BCAR3: variants seen among roughly 807,000 people sequenced by gnomAD.
The protein encoded by BCAR3 is breast cancer anti-estrogen resistance protein 3.
A neutral mutation model predicts 80.1 loss-of-function variants in BCAR3; 37 were observed. The observed-to-expected ratio is 0.46, with a 90% CI of 0.36 to 0.61. BCAR3 has a LOEUF of 0.61. Among genes scored for constraint, BCAR3 ranks in the 20% least tolerant of loss-of-function variants. The pLI is 0.00. For synonymous variants in BCAR3, 389 were observed against 418.9 expected (o/e 0.93, Z 0.87); for missense variants, 978 against 1,068.2 (o/e 0.92, Z 1.18).
chr1:93,768,136 C>T (rs1652219268), intron 2 of BCAR3, among the ~76,000 whole-genome samples: 1 of 152,094 alleles, frequency 6.6e-6, no homozygotes, highest in Non-Finnish European at 1.5e-5. Context: ...GCAGGGCTGT[C>T]GGATTAGAGT....
At chr1:93,706,510 T>C (rs180774988) in intron 2 of BCAR3, among the ~76,000 whole-genome samples, 1 of 152,240 alleles carries the variant, frequency 6.6e-6, no homozygotes, top group African/African-American at 2.4e-5. Flanking sequence ...CAGAGGACTG[T>C]GATTACAGCA....
chr1:93,756,103 A>G (rs1651740335), intron 2 of BCAR3, among the ~76,000 whole-genome samples: 1 of 152,240 alleles, frequency 6.6e-6, no homozygotes, highest in Non-Finnish European at 1.5e-5. Context: ...CCAATAGCAC[A>G]GACAAAATGC....
At chr1:93,641,290 G>A (rs1476553181) in intron 3 of BCAR3, among the ~76,000 whole-genome samples, 1 of 152,216 alleles carries the variant, frequency 6.6e-6, no homozygotes, top group Non-Finnish European at 1.5e-5. Context: ...GGAAATGGCA[G>A]AACTCTGGGG....
chr1:93,804,771 C>T (rs1005646396), intron 2 of BCAR3, among the ~76,000 whole-genome samples: 10 of 152,336 alleles, frequency 6.6e-5, no homozygotes, highest in African/African-American at 2.4e-4. Flanking sequence ...GGAGGAACCA[C>T]TGTGTAACAA....
intron 2 of BCAR3, chr1:93,845,502 A>ATATATATCTATATTGTCAAG: frequency 8.8e-6 from 1 of 113,822 alleles, no homozygotes; most frequent in Admixed American, 9.5e-5. Flanking sequence ...ATATATATAT[A>ATATATATCTATATTGTCAAG]AAACTTTGTT....
chr1:93,827,621 T>A (rs532517683), intron 2 of BCAR3, among the ~76,000 whole-genome samples: 2 of 152,056 alleles, frequency 1.3e-5, no homozygotes, highest in Non-Finnish European at 2.9e-5. Flanking sequence ...TTACCCTAAG[T>A]TAAGGATAAG....
chr1:93,585,124 C>T (rs1235041445), intron 5 of BCAR3: 9 of 983,726 alleles, frequency 9.1e-6, no homozygotes, highest in Admixed American at 6.2e-5. Context: ...GTGACCACTG[C>T]GGCTGGACTC....
At chr1:93,623,115 G>A (rs1675362448) in intron 3 of BCAR3, among the ~76,000 whole-genome samples, 1 of 152,160 alleles carries the variant, frequency 6.6e-6, no homozygotes, top group Non-Finnish European at 1.5e-5. Context: ...CAAACTTGGA[G>A]GCAATGGGTA....
At chr1:93,842,937 T>C (rs1034511852) in intron 2 of BCAR3, among the ~76,000 whole-genome samples, 7 of 152,228 alleles carry the variant, frequency 4.6e-5, no homozygotes, top group Non-Finnish European at 1.0e-4. Flanking sequence ...GGCTCAGTAA[T>C]CACACTCAGC....
chr1:93,701,397 A>G (rs1010867347), intron 3 of BCAR3, among the ~76,000 whole-genome samples: 2 of 152,218 alleles, frequency 1.3e-5, no homozygotes, highest in African/African-American at 4.8e-5. Context: ...AATGGAAGTC[A>G]GGGTTCACCA....
intron 2 of BCAR3, among the ~76,000 whole-genome samples, chr1:93,756,903 G>A (rs1042900833): frequency 6.6e-6 from 1 of 152,214 alleles, no homozygotes; most frequent in East Asian, 1.9e-4. Flanking sequence ...CCCAAATGTG[G>A]GGGTGCCTGG....
intron 5 of BCAR3, chr1:93,584,986 A>C (rs1673884027): frequency 1.0e-6 from 1 of 985,042 alleles, no homozygotes; most frequent in African/African-American, 1.7e-5. Flanking sequence ...ACAAGCACCA[A>C]AGAAAAAACA....
chr1:93,638,619 G>A (rs1675875109), intron 3 of BCAR3, among the ~76,000 whole-genome samples: 1 of 152,112 alleles, frequency 6.6e-6, no homozygotes, highest in South Asian at 2.1e-4. Context: ...AGGTATGCTA[G>A]GTACGCAGAG....
At chr1:93,811,819 T>TGGC (rs1033362407) in intron 2 of BCAR3, among the ~76,000 whole-genome samples, 4 of 152,250 alleles carry the variant, frequency 2.6e-5, no homozygotes, top group Admixed American at 1.3e-4. Context: ...CAGCTTGTAC[T>TGGC]GGCTCCCAAG....
chr1:93,676,687 G>A (rs944147856), intron 1 of BCAR3, among the ~76,000 whole-genome samples: 2 of 152,138 alleles, frequency 1.3e-5, no homozygotes, highest in Admixed American at 6.5e-5. Flanking sequence ...CACAAGTGAC[G>A]TAAACCGACT....
intron 9 of BCAR3, among the ~76,000 whole-genome samples, chr1:93,569,691 T>C (rs1255056697): frequency 6.6e-6 from 1 of 152,204 alleles, no homozygotes; most frequent in South Asian, 2.1e-4. Flanking sequence ...CACTGTATGC[T>C]CTGGAGGACT....
intron 3 of BCAR3, among the ~76,000 whole-genome samples, chr1:93,699,825 G>GCACA (rs144302941): frequency 2.0e-5 from 3 of 150,426 alleles, no homozygotes; most frequent in Non-Finnish European, 4.4e-5. Flanking sequence ...ACACACAGGT[G>GCACA]CACACACACA....
At chr1:93,721,075 T>C (rs1650381315) in intron 2 of BCAR3, among the ~76,000 whole-genome samples, 1 of 152,134 alleles carries the variant, frequency 6.6e-6, no homozygotes, top group South Asian at 2.1e-4. Context: ...GCGGCTAGAT[T>C]GGCAGCTCTG....
intron 2 of BCAR3, among the ~76,000 whole-genome samples, chr1:93,724,713 T>G (rs1650521746): frequency 6.6e-6 from 1 of 152,100 alleles, no homozygotes. Flanking sequence ...CTTCTCTGGA[T>G]GGGCCACAGG....
Sources: gnomAD v4.1 joint callset for allele counts (sites outside exome capture counted in the v4.1 genomes callset) on GRCh38, gnomAD v4.1.1 for gene constraint, MANE v1.5 for transcripts, NCBI Gene and HGNC (gene_info 2026-07-23, HGNC 2026-07-21) for gene names.